The following NOS1 variants were observed in gnomAD, a reference collection of about 807,000 sequenced individuals.
NOS1 encodes the protein NOS type I.
A neutral mutation model predicts 164.5 loss-of-function variants in NOS1; 51 were observed. The observed-to-expected ratio is 0.31, with a 90% CI of 0.25 to 0.39. The LOEUF is 0.39. Ranked by LOEUF, NOS1 falls within the 10% of genes least tolerant of loss-of-function variation. NOS1 has a pLI of 1.00. For missense variants in NOS1, 1,362 were observed against 1,885.6 expected (o/e 0.72, Z 5.14); for synonymous variants, 719 against 745.8 (o/e 0.96, Z 0.59).
chr12:117,270,058 C>T (rs557890651), intron 10 of NOS1, among the ~76,000 whole-genome samples: 5 of 152,240 alleles, frequency 3.3e-5, no homozygotes, highest in Admixed American at 2.0e-4. Flanking sequence ...AAGCAGCTGA[C>T]GCCTGTGGCA....
At chr12:117,273,355 G>C (rs971686669) in intron 9 of NOS1, among the ~76,000 whole-genome samples, 1 of 152,152 alleles carries the variant, frequency 6.6e-6, no homozygotes, top group Non-Finnish European at 1.5e-5. Flanking sequence ...TTTCACCAAG[G>C]AACTGGGTGA....
At chr12:117,284,606 G>T (rs1873953147) in intron 7 of NOS1, among the ~76,000 whole-genome samples, 1 of 152,088 alleles carries the variant, frequency 6.6e-6, no homozygotes, top group African/African-American at 2.4e-5. Flanking sequence ...AGGATTTTCT[G>T]ATTCCTGGGA....
chr12:117,300,109 G>C (rs1873715869), intron 3 of NOS1, among the ~76,000 whole-genome samples: 3 of 152,290 alleles, frequency 2.0e-5, no homozygotes, highest in African/African-American at 7.2e-5. Context: ...GGGAACCTCA[G>C]GAAATGGAAA....
intron 14 of NOS1, 131 bp from the exon 15 acceptor site, chr12:117,259,261 G>A: frequency 1.6e-6 from 1 of 636,050 alleles, no homozygotes; most frequent in Non-Finnish European, 2.8e-6. Context: ...GTCATTTTGG[G>A]TCATCTCCTT....
At chr12:117,311,331 A>C in intron 3 of NOS1, 135 bp downstream of exon 3, 1 of 1,065,572 alleles carries the variant, frequency 9.4e-7, no homozygotes, top group South Asian at 2.2e-5. Context: ...CGGCCTCCCA[A>C]GCTCTCCAGC....
intron 2 of NOS1, among the ~76,000 whole-genome samples, 172 bp from the exon 3 acceptor site, chr12:117,311,764 A>T (rs1371087491): frequency 6.6e-6 from 1 of 152,190 alleles, no homozygotes. Context: ...ACGGACAGTG[A>T]CACGTGGGAA....
intron 16 of NOS1, among the ~76,000 whole-genome samples, chr12:117,254,750 G>C (rs1871315359): frequency 6.6e-6 from 1 of 152,196 alleles, no homozygotes; most frequent in African/African-American, 2.4e-5. Context: ...CCACATTTCA[G>C]GGGCTCCGGA....
At chr12:117,332,602 C>T (rs1875600744) in intron 1 of NOS1, among the ~76,000 whole-genome samples, 1 of 152,164 alleles carries the variant, frequency 6.6e-6, no homozygotes, top group African/African-American at 2.4e-5. Flanking sequence ...CAGTGCCTCA[C>T]ACCTATAATC....
In NOS1 at chr12:117,210,652, C is replaced by G. The variant is rs886729369; in HGVS notation, c.*4657G>C. On this transcript the variant is annotated 3_prime_UTR_variant, in exon 29 of 29. Coordinates refer to ENST00000317775, the MANE Select transcript of NOS1 (RefSeq NM_000620.5). ...CTATTAGGACCATTTGCCCTATGAG[C>G]TAGGTCAGGACACCTCTCACTTGTT... 2.2e-5 allele frequency: 22 copies of G among 985,346 alleles called. 1 individual carries two copies. Among genetic ancestry groups the G allele is most frequent in the Non-Finnish European group, 2.7e-5 (22 of 829,958 alleles). The allele number at this position is 985,346 out of a possible 1,614,324, so 61.0% of individuals were successfully genotyped here.
intron 9 of NOS1, among the ~76,000 whole-genome samples, chr12:117,277,716 T>A (rs1051877510): frequency 1.3e-5 from 2 of 152,176 alleles, no homozygotes; most frequent in African/African-American, 2.4e-5. Flanking sequence ...AGGTCCTTGT[T>A]AATGGCTTAG....
chr12:117,288,710 C>A (rs1566060527), intron 4 of NOS1, among the ~76,000 whole-genome samples: 1 of 152,080 alleles, frequency 6.6e-6, no homozygotes. Flanking sequence ...TGGTTTTGAC[C>A]CTTAGGATGT....
intron 13 of NOS1, among the ~76,000 whole-genome samples, chr12:117,263,609 TATTATTATTATTAGG>T (rs1359100345): frequency 9.9e-6 from 1 of 101,432 alleles, no homozygotes; most frequent in Non-Finnish European, 2.5e-5. Flanking sequence ...TTATTATTAT[TATTATTATTATTAGG>T]AGGGCTGGTT....
chr12:117,333,549 G>A (rs953312309), intron 1 of NOS1, among the ~76,000 whole-genome samples: 1 of 152,104 alleles, frequency 6.6e-6, no homozygotes, highest in Non-Finnish European at 1.5e-5. Flanking sequence ...GTGTGGGGGG[G>A]ATAATTAGCA....
At chr12:117,220,394 GAT>G (rs1179355859) in intron 26 of NOS1, 125 bp from the exon 27 acceptor site, 2 of 890,264 alleles carry the variant, frequency 2.2e-6, no homozygotes, top group Non-Finnish European at 3.4e-6. Flanking sequence ...TTTGTGAGCT[GAT>G]CCCAGGGAAC....
At chr12:117,279,025 T>C (rs1873410791) in intron 8 of NOS1, among the ~76,000 whole-genome samples, 1 of 151,746 alleles carries the variant, frequency 6.6e-6, no homozygotes, top group Non-Finnish European at 1.5e-5. Context: ...AGTGAATCTA[T>C]TAATTTGTTA....
intron 13 of NOS1, among the ~76,000 whole-genome samples, chr12:117,261,700 C>T (rs9658417): frequency 0.18 from 27,417 of 152,122 alleles, 2,771 homozygotes; most frequent in Middle Eastern, 0.32. Context: ...TGCCTGTGAT[C>T]CTGGCACTTT....
At chr12:117,278,947 AAATT>A (rs895617462) in intron 8 of NOS1, among the ~76,000 whole-genome samples, 4 of 150,368 alleles carry the variant, frequency 2.7e-5, no homozygotes, top group African/African-American at 9.7e-5. Flanking sequence ...TATTAATAAT[AAATT>A]ATCAATATGA....
At chr12:117,295,506 T>C (rs1471625243) in intron 3 of NOS1, among the ~76,000 whole-genome samples, 1 of 152,070 alleles carries the variant, frequency 6.6e-6, no homozygotes, top group African/African-American at 2.4e-5. Context: ...TCTTGTCCTT[T>C]AGATAAAAGG....
chr12:117,330,509 G>A lies in NOS1; in HGVS notation c.561C>T (p.Pro187=), dbSNP rs767193978. ...GLAPRPPGQD[P]AKKATRVSLQ... The stretch of plus-strand genomic sequence containing the variant: ...GGCTGACTCTGGTTGCTTTCTTCGC[G>A]GGGTCCTGGCCTGGGGGCCTGGGGG... Residue 187 remains proline (P), a synonymous_variant, in exon 2 of 29, where the codon CCC becomes CCT. Transcript: ENST00000317775. The surrounding 1 kb of genome is among the most constrained non-coding windows in gnomAD (Gnocchi z 4.6). 2.1e-5 allele frequency: 34 copies of A among 1,613,940 alleles called. No individual in the cohort carries two copies. Among genetic ancestry groups the A allele is most frequent in the South Asian group, 4.4e-5 (4 of 91,092 alleles).
Sources: gnomAD v4.1 joint callset for allele counts (sites outside exome capture counted in the v4.1 genomes callset) on GRCh38, gnomAD v4.1.1 for gene constraint, Gnocchi (gnomAD v3.1) non-coding constraint, MANE v1.5 for transcripts, NCBI Gene and HGNC (gene_info 2026-07-23, HGNC 2026-07-21) for gene names.